Variants in ANO3 observed in about 807,000 individuals in gnomAD.
ANO3 encodes anoctamin 3, also known as anoctamin-3.
ANO3 carries 99 observed loss-of-function variants against 144.8 expected under a neutral mutation model. That is an observed-to-expected ratio of 0.68 (90% CI 0.58 to 0.81). ANO3 has a LOEUF of 0.81. Ranked by LOEUF, ANO3 falls within the 30% of genes least tolerant of loss-of-function variation. The pLI, the probability that ANO3 is intolerant of heterozygous loss-of-function variation, is 0.00. For synonymous variants in ANO3, 414 were observed against 392.6 expected, an observed-to-expected ratio of 1.05 and a Z score of -0.64; for missense variants, 905 against 1,202.2, an observed-to-expected ratio of 0.75 and a Z score of 3.66.
At chr11:26,300,302 T>A (rs1210857440) in intron 1 of ANO3, among the ~76,000 whole-genome samples, 8 of 151,990 alleles carry the variant, frequency 5.3e-5, no homozygotes, top group South Asian at 2.1e-4. Flanking sequence ...AAGCAAGTTG[T>A]TTTACATCTT....
chr11:26,654,160 T>C (rs1406152493), intron 24 of ANO3, among the ~76,000 whole-genome samples: 6 of 152,178 alleles, frequency 3.9e-5, no homozygotes, highest in Non-Finnish European at 8.8e-5. Context: ...TACATTTACA[T>C]ATAAACTTTA....
At chr11:26,299,024 A>G (rs975031609) in intron 1 of ANO3, among the ~76,000 whole-genome samples, 9 of 152,188 alleles carry the variant, frequency 5.9e-5, no homozygotes, top group African/African-American at 2.2e-4. Flanking sequence ...TGGACTGGAG[A>G]TGTACGTTTA....
At chr11:26,278,301 A>T (rs1242738693) in intron 1 of ANO3, among the ~76,000 whole-genome samples, 2 of 152,066 alleles carry the variant, frequency 1.3e-5, no homozygotes, top group African/African-American at 4.8e-5. Flanking sequence ...CCCACCTATT[A>T]ATCTTGAAAA....
At chr11:26,211,673 A>T (rs973630626) in intron 1 of ANO3, among the ~76,000 whole-genome samples, 8 of 152,214 alleles carry the variant, frequency 5.3e-5, no homozygotes, top group African/African-American at 1.7e-4. Flanking sequence ...AGGATCTAGA[A>T]CTAGAAATAC....
At chr11:26,391,386 T>C (rs1856874737) in intron 1 of ANO3, among the ~76,000 whole-genome samples, 1 of 152,142 alleles carries the variant, frequency 6.6e-6, no homozygotes. Context: ...GGCAGAGCCC[T>C]CATGACCCTC....
chr11:26,641,820 T>A, intron 21 of ANO3, 76 bp from the exon 22 acceptor site: 1 of 1,379,410 alleles, frequency 7.2e-7, no homozygotes, highest in Admixed American at 2.5e-5. Flanking sequence ...TTTTACTCAT[T>A]TCTTAATTCA....
At chr11:26,439,313 AATAG>A (rs1565025493) in intron 1 of ANO3, among the ~76,000 whole-genome samples, 1 of 152,242 alleles carries the variant, frequency 6.6e-6, no homozygotes, top group East Asian at 1.9e-4. Flanking sequence ...AAAGAAAAAA[AATAG>A]ATAAATTGAA....
chr11:26,503,048 A>G (rs529537024), intron 4 of ANO3, among the ~76,000 whole-genome samples: 14 of 152,260 alleles, frequency 9.2e-5, no homozygotes, highest in African/African-American at 3.4e-4. Context: ...TAATTTTTAG[A>G]AAGATCAGCT....
chr11:26,461,652 T>G (rs902329199), intron 3 of ANO3, among the ~76,000 whole-genome samples: 1 of 152,132 alleles, frequency 6.6e-6, no homozygotes, highest in Non-Finnish European at 1.5e-5. Flanking sequence ...ATGAATACAA[T>G]GTAACTTACC....
At chr11:26,468,235 G>A (rs890202332) in intron 4 of ANO3, among the ~76,000 whole-genome samples, 3 of 151,956 alleles carry the variant, frequency 2.0e-5, no homozygotes, top group South Asian at 2.1e-4. Flanking sequence ...GCTCAGCTGC[G>A]TAGCTCTTTC....
chr11:26,533,808 C>T (rs150238684), intron 8 of ANO3, among the ~76,000 whole-genome samples: 313 of 152,290 alleles, frequency 2.1e-3, no homozygotes, highest in African/African-American at 7.0e-3. Flanking sequence ...TTCAGGACTA[C>T]GTGCTTGACA....
rs759914881 is a variant in ANO3, at chr11:26,598,860, A to G, written c.1533A>G (p.Glu511=). The change falls in exon 16 of 27, where the codon GAA becomes GAG. Residue 511 remains glutamate (E), a splice_region_variant and synonymous_variant. Transcript: ENST00000256737. ...GATAACTTTCGTTTCTCTCATAGGAAACACTTCGTCCCCAGTTTGAAGCCA... is the reference window on the plus strand; with the variant it reads ...GATAACTTTCGTTTCTCTCATAGGAGACACTTCGTCCCCAGTTTGAAGCCA... ...WDLIEWEEEE[E]TLRPQFEAKY... 29 of 1,611,986 alleles carry G rather than the reference A, an allele frequency of 1.8e-5. No individual in the cohort carries two copies. The South Asian group carries it at 3.2e-4, about 18-fold the overall frequency.
intron 26 of ANO3, among the ~76,000 whole-genome samples, 178 bp from the exon 27 acceptor site, chr11:26,660,084 G>A (rs1853831535): frequency 2.0e-5 from 3 of 152,070 alleles, no homozygotes; most frequent in Admixed American, 6.6e-5. Context: ...AATACTTAAG[G>A]AAGAAAGCAA....
chr11:26,538,205 T>G (rs1849558890), intron 10 of ANO3, among the ~76,000 whole-genome samples: 1 of 152,206 alleles, frequency 6.6e-6, no homozygotes, highest in Non-Finnish European at 1.5e-5. Context: ...ATTGTCTCAT[T>G]TAATCCTTGC....
intron 1 of ANO3, among the ~76,000 whole-genome samples, chr11:26,191,304 A>C (rs1406652742): frequency 6.6e-6 from 1 of 151,310 alleles, no homozygotes; most frequent in Non-Finnish European, 1.5e-5. Context: ...ACATATATAT[A>C]TACACACACA....
At chr11:26,452,328 T>G (rs1296170490) in intron 3 of ANO3, among the ~76,000 whole-genome samples, 1 of 152,086 alleles carries the variant, frequency 6.6e-6, no homozygotes, top group South Asian at 2.1e-4. Context: ...GTTGAAAACT[T>G]TGAAAAACAT....
intron 14 of ANO3, among the ~76,000 whole-genome samples, chr11:26,594,441 A>AAACATAGTGGAAGGACATTCGC (rs1851548987): frequency 6.6e-6 from 1 of 152,172 alleles, no homozygotes; most frequent in Non-Finnish European, 1.5e-5. Flanking sequence ...AGATCAAAGG[A>AAACATAGTGGAAGGACATTCGC]TTGTCCTAAC....
intron 1 of ANO3, among the ~76,000 whole-genome samples, chr11:26,232,376 T>A (rs994010623): frequency 4.6e-5 from 7 of 151,568 alleles, no homozygotes; most frequent in African/African-American, 1.5e-4. Context: ...AAAAACAGAG[T>A]CAAGAGGAGA....
At chr11:26,203,409 T>C (rs560046714) in intron 1 of ANO3, among the ~76,000 whole-genome samples, 1 of 152,114 alleles carries the variant, frequency 6.6e-6, no homozygotes. Flanking sequence ...ATAAAATTCA[T>C]TGAATGCAAG....
Sources: gnomAD v4.1 joint callset for allele counts (sites outside exome capture counted in the v4.1 genomes callset) on GRCh38, gnomAD v4.1.1 for gene constraint, MANE v1.5 for transcripts, NCBI Gene and HGNC (gene_info 2026-07-23, HGNC 2026-07-21) for gene names.